SLC49A3: variants seen among roughly 807,000 people sequenced by gnomAD.
SLC49A3 encodes solute carrier family 49 member 3.
Under a neutral mutation model 43.8 loss-of-function variants are expected in SLC49A3, and 50 were observed. That is an observed-to-expected ratio of 1.14 (90% CI 0.91 to 1.45). The LOEUF (loss-of-function observed/expected upper bound fraction) is 1.45. SLC49A3 is among the 40% of genes most tolerant of loss of function. The pLI is 0.00. For synonymous variants in SLC49A3, 413 were observed against 352.0 expected, an observed-to-expected ratio of 1.17 and a Z score of -1.94; for missense variants, 906 against 774.1, an observed-to-expected ratio of 1.17 and a Z score of -2.02.
downstream of SLC49A3, chr4:678,644 T>C: frequency 6.3e-7 from 1 of 1,595,670 alleles, no homozygotes; most frequent in Non-Finnish European, 8.5e-7. Context: ...TCAGCCATGG[T>C]GCTCCCACCG....
downstream of SLC49A3, chr4:678,871 A>G (rs1739131801): frequency 6.2e-7 from 1 of 1,608,866 alleles, no homozygotes; most frequent in South Asian, 1.1e-5. Context: ...GCCTATCCTC[A>G]GTCAGGGGTG....
downstream of SLC49A3, chr4:678,331 C>T: frequency 7.0e-7 from 1 of 1,419,106 alleles, no homozygotes; most frequent in Non-Finnish European, 9.2e-7. Flanking sequence ...AGAACAAGCC[C>T]ACCCAGAGTC....
intron 6 of SLC49A3, 56 bp downstream of exon 6, chr4:684,427 T>C (rs1740558501): frequency 2.5e-6 from 4 of 1,601,730 alleles, no homozygotes; most frequent in Non-Finnish European, 3.4e-6. Flanking sequence ...GGTGACTCCA[T>C]GGCCATATGG....
At position 681,884 on chromosome 4, in the gene SLC49A3, C is replaced by T. The variant is rs551285938; in HGVS notation, c.*74G>A. On this transcript the variant is annotated 3_prime_UTR_variant, in exon 10 of 10. Transcript: ENST00000322224. ...AGCCCGCAAGGAGCCCTTTCGCCCC[C>T]GCCCGCAGGTGGACCAGATGTTCCA... The T allele has an allele frequency of 1.1e-5, 15 of 1,313,908 alleles. No individual in the cohort carries two copies. The South Asian group carries it at 2.6e-4, about 23-fold the overall frequency. 81.4% of individuals were successfully genotyped at this position (1,313,908 alleles called of 1,614,324 possible).
rs770090633 is a variant in SLC49A3, at chr4:684,472, G to T, written c.840+11C>A. The T allele has an allele frequency of 6.2e-7, 1 of 1,612,386 alleles. No individual in the cohort carries two copies. The highest frequency in any genetic ancestry group is 1.3e-5 in the African/African-American group (1 of 75,040). ...CAGAGGCAGGGTCCCCAGGGGTGGG[G>T]CCAGGCTCACACTGGAGTGGCCGCT... On this transcript the variant is annotated intron_variant, in intron 6 of 9. Transcript: ENST00000322224.
In SLC49A3 at chr4:685,531, C is replaced by T. The variant is rs1320593706; in HGVS notation, c.585+304G>A. ...TGGCCAACATGGTGAAACCCCAACTCTACCAAAAATACAAAAAAAAAAAAA... is the reference window on the plus strand; with the variant it reads ...TGGCCAACATGGTGAAACCCCAACTTTACCAAAAATACAAAAAAAAAAAAA... On this transcript the variant is annotated intron_variant, in intron 4 of 9. Transcript: ENST00000322224. This position sits in a 1 kb window ranked among gnomAD's most constrained non-coding sequence, Gnocchi z 4.3. Among the ~76,000 whole-genome samples, 2 of 151,720 alleles carry T rather than the reference C, an allele frequency of 1.3e-5. No homozygotes were observed. The highest frequency in any genetic ancestry group is 1.9e-4 in the East Asian group (1 of 5,170).
chr4:679,895 GC>G (rs765214217), downstream of SLC49A3: 3 of 1,610,540 alleles, frequency 1.9e-6, no homozygotes, highest in Non-Finnish European at 2.5e-6. Context: ...GCCCTGTGAT[GC>G]CCCCATGTCT....
At position 685,095 on chromosome 4, in the gene SLC49A3, TTAGCCCAG is replaced by T; in HGVS notation, c.586-247_586-240del. 1 of 562,028 alleles carries T rather than the reference TTAGCCCAG, an allele frequency of 1.8e-6. No homozygotes were observed. Among genetic ancestry groups the T allele is most frequent in the Non-Finnish European group, 3.1e-6 (1 of 323,146 alleles). The allele number at this position is 562,028 out of a possible 1,614,324, so 34.8% of individuals were successfully genotyped here. A position where few individuals can be genotyped will look rare whatever the true frequency, so the allele number is the denominator to read the frequency against. Reference sequence around the variant, plus strand: ...ACCAGTGACACCCTCCTGGCTGATGTTAGCCCAGCACCCCCAGGCTCCAGACTTACATC... The same window carrying T: ...ACCAGTGACACCCTCCTGGCTGATGTCACCCCCAGGCTCCAGACTTACATC... On this transcript the variant is annotated intron_variant, in intron 4 of 9. Transcript: ENST00000322224. This position sits in a 1 kb window ranked among gnomAD's most constrained non-coding sequence, Gnocchi z 4.3.
At chr4:684,178 G>A (rs551580746) in intron 6 of SLC49A3, among the ~76,000 whole-genome samples, 1 of 152,218 alleles carries the variant, frequency 6.6e-6, no homozygotes, top group African/African-American at 2.4e-5. Context: ...AGACCCACAG[G>A]GGCGGGGCCT....
At chr4:678,061 G>T, downstream of SLC49A3, 2 of 1,612,292 alleles carry the variant, frequency 1.2e-6, no homozygotes, top group Non-Finnish European at 1.7e-6. Context: ...CCTGGGGCAG[G>T]CGTGTGGGTG....
chr4:690,563 T>A (rs923435325), upstream of SLC49A3, among the ~76,000 whole-genome samples: 3 of 152,242 alleles, frequency 2.0e-5, no homozygotes, highest in African/African-American at 7.2e-5. Context: ...GGAGTTGCAG[T>A]GCAGGCTTCC....
At position 688,924 on chromosome 4, in the gene SLC49A3, G is replaced by A. The variant is rs1038817937; in HGVS notation, c.135+69C>T. On this transcript the variant is annotated intron_variant, in intron 1 of 9. Transcript: ENST00000322224. ...CTGGCACCTCGGGCTGTGGCCACAG[G>A]AAAACAAAACCCGGCTGGTCCGAGG... 9.8e-6 allele frequency: 15 copies of A among 1,529,660 alleles called. No homozygotes were observed. The African/African-American group carries it at 2.1e-4, about 22-fold the overall frequency. The allele number at this position is 1,529,660 out of a possible 1,614,324, so 94.8% of individuals were successfully genotyped here.
chr4:690,039 C>T (rs1021201600), upstream of SLC49A3, among the ~76,000 whole-genome samples: 12 of 152,238 alleles, frequency 7.9e-5, no homozygotes, highest in African/African-American at 2.9e-4. Flanking sequence ...GAAACCATCC[C>T]CGTTTCCTGA....
intron 2 of SLC49A3, 66 bp downstream of exon 2, chr4:686,466 C>T: frequency 8.9e-6 from 14 of 1,578,076 alleles, no homozygotes; most frequent in Non-Finnish European, 1.1e-5. Flanking sequence ...GGCCTTGACT[C>T]TCCTACCCAA....
chr4:683,872 G>T, intron 6 of SLC49A3, 111 bp from the exon 7 acceptor site: 1 of 1,336,438 alleles, frequency 7.5e-7, no homozygotes, highest in Non-Finnish European at 9.9e-7. Flanking sequence ...CAAGGCCCAG[G>T]CATAGCAACA....
downstream of SLC49A3, chr4:679,008 C>A (rs1434710628): frequency 3.7e-6 from 6 of 1,613,652 alleles, no homozygotes; most frequent in African/African-American, 4.0e-5. Flanking sequence ...ACAAGGAGGA[C>A]CTGAAGGACA....
downstream of SLC49A3, chr4:679,786 C>G (rs371985639): frequency 2.5e-4 from 180 of 723,046 alleles, 2 homozygotes; most frequent in South Asian, 2.9e-3. Flanking sequence ...GTGCCTGGGC[C>G]AAGCGTCTCC....
downstream of SLC49A3, among the ~76,000 whole-genome samples, chr4:681,540 C>T (rs1161494307): frequency 6.7e-6 from 1 of 149,866 alleles, no homozygotes; most frequent in Non-Finnish European, 1.5e-5. Context: ...CGGTCCTCCC[C>T]GACGCTGCTG....
chr4:688,916 G>A, intron 1 of SLC49A3, 77 bp downstream of exon 1: 1 of 1,514,526 alleles, frequency 6.6e-7, no homozygotes, highest in Non-Finnish European at 8.8e-7. Context: ...CTCGGGCTGT[G>A]GCCACAGGAA....
Sources: allele counts gnomAD v4.1 joint callset (sites outside exome capture counted in the v4.1 genomes callset), GRCh38; gene constraint gnomAD v4.1.1; non-coding constraint Gnocchi (gnomAD v3.1); transcripts MANE v1.5; gene names NCBI Gene and HGNC (gene_info 2026-07-23, HGNC 2026-07-21).